Variants in XPOT observed in about 807,000 individuals in gnomAD.
XPOT encodes the protein exportin-T.
XPOT carries 34 observed loss-of-function variants against 128.2 expected under a neutral mutation model. The ratio of observed to expected loss-of-function variants is 0.27; its 90% confidence interval spans 0.20 to 0.35. The LOEUF is 0.35. XPOT is among the 10% of genes least tolerant of loss of function. XPOT has a pLI of 1.00. For synonymous variants in XPOT, 348 were observed against 394.3 expected, an observed-to-expected ratio of 0.88 and a Z score of 1.39; for missense variants, 838 against 1,125.3, an observed-to-expected ratio of 0.74 and a Z score of 3.65.
intron 1 of XPOT, among the ~76,000 whole-genome samples, chr12:64,407,570 A>G (rs1457835466): frequency 6.6e-6 from 1 of 152,152 alleles, no homozygotes; most frequent in Non-Finnish European, 1.5e-5. Context: ...ATGTAATCCA[A>G]TTTGGGAGAG....
chr12:64,428,157 T>A, intron 16 of XPOT, 37 bp downstream of exon 16: 1 of 1,414,272 alleles, frequency 7.1e-7, no homozygotes, highest in Non-Finnish European at 9.9e-7. Flanking sequence ...TTACCCAGAA[T>A]TCATTGAAGC....
At chr12:64,413,202 T>C (rs1264388747) in intron 2 of XPOT, among the ~76,000 whole-genome samples, 1 of 152,196 alleles carries the variant, frequency 6.6e-6, no homozygotes. Flanking sequence ...CCGAAGTCTC[T>C]AGTGATCCTT....
chr12:64,420,479 G>T lies in XPOT; in HGVS notation c.801G>T (p.Leu267Phe). The T allele has an allele frequency of 6.2e-7, 1 of 1,613,716 alleles. No individual in the cohort carries two copies. The highest frequency in any genetic ancestry group is 8.5e-7 in the Non-Finnish European group (1 of 1,179,844). The change falls in exon 8 of 25, where the codon TTG becomes TTT. Residue 267 changes from leucine to phenylalanine, a missense_variant. By Grantham distance (22) the Leu-to-Phe change is conservative. This residue lies in a region of XPOT where 761 missense variants were observed against 988.3 expected (regional missense o/e 0.77). Transcript: ENST00000332707. ...PVDKMKLVESLCQVLQSAGFF... is the reference protein window; with the variant it reads ...PVDKMKLVESFCQVLQSAGFF... The stretch of plus-strand genomic sequence containing the variant: ...ATAAAATGAAACTAGTGGAATCTTT[G>T]TGTCAAGTATTACAGTCTGCTGGGT...
chr12:64,418,949 C>T lies in XPOT; in HGVS notation c.344C>T (p.Thr115Ile), dbSNP rs777754179. 3.1e-6 allele frequency: 5 copies of T among 1,613,958 alleles called. No homozygotes were observed. Among genetic ancestry groups the T allele is most frequent in the Non-Finnish European group, 4.2e-6 (5 of 1,179,998 alleles). ...AAQVFALLFV[T>I]EYLTKWPKFF... ...CAAGTCTTCGCCTTGCTTTTTGTTA[C>T]AGAGTATCTCACTAAGTGGCCCAAG... is the stretch of plus-strand genomic sequence containing the variant. The change falls in exon 6 of 25, where the codon ACA becomes ATA. Residue 115 changes from threonine (T) to isoleucine (I), a missense_variant. Physicochemically the swap from Thr to Ile is moderately conservative, Grantham distance 89 (BLOSUM62 -1). Around this residue, in one of 3 missense-constraint regions of XPOT, gnomAD observed 761 missense variants for 988.3 expected, o/e 0.77. Transcript: ENST00000332707.
intron 1 of XPOT, among the ~76,000 whole-genome samples, chr12:64,408,198 C>T (rs2040001018): frequency 6.6e-6 from 1 of 152,122 alleles, no homozygotes; most frequent in Non-Finnish European, 1.5e-5. Context: ...CAACCTCCAC[C>T]TCCTGGGTTC....
chr12:64,418,206 A>G (rs2040105496), intron 5 of XPOT, 91 bp downstream of exon 5: 8 of 1,041,612 alleles, frequency 7.7e-6, no homozygotes, highest in South Asian at 7.3e-5. Context: ...AAAGATTTTC[A>G]TCAGTGTTCC....
intron 1 of XPOT, among the ~76,000 whole-genome samples, chr12:64,405,727 T>TGCAGCC (rs1300890069): frequency 6.6e-5 from 10 of 152,166 alleles, no homozygotes. Flanking sequence ...CAAGTGATTC[T>TGCAGCC]GCAGCCTCAG....
At chr12:64,444,169 T>G (rs1335200593) in intron 23 of XPOT, among the ~76,000 whole-genome samples, 1 of 152,236 alleles carries the variant, frequency 6.6e-6, no homozygotes, top group African/African-American at 2.4e-5. Flanking sequence ...TCTTTTCTTT[T>G]GGTCTAGCTC....
At chr12:64,447,548 G>A (rs2040375892) in intron 24 of XPOT, among the ~76,000 whole-genome samples, 2 of 151,558 alleles carry the variant, frequency 1.3e-5, no homozygotes, top group Admixed American at 6.6e-5. Flanking sequence ...GCACGATCTC[G>A]GCTCACCACA....
chr12:64,405,816 C>G (rs1325495609), intron 1 of XPOT, among the ~76,000 whole-genome samples: 3 of 152,182 alleles, frequency 2.0e-5, no homozygotes, highest in Non-Finnish European at 4.4e-5. Flanking sequence ...TGGAGTTTCA[C>G]CGTGTTAGCC....
chr12:64,415,435 C>T (rs540798333), intron 3 of XPOT, among the ~76,000 whole-genome samples: 20 of 151,978 alleles, frequency 1.3e-4, no homozygotes, highest in African/African-American at 2.7e-4. Flanking sequence ...AGTGCAGTGG[C>T]GCAATCTAGG....
Position 64,448,092 on chromosome 12 carries a change from A to G in XPOT, c.2863-13A>G, listed in dbSNP as rs180830906. On this transcript the variant is annotated splice_polypyrimidine_tract_variant and intron_variant, in intron 24 of 24. Transcript: ENST00000332707. The stretch of plus-strand genomic sequence containing the variant: ...TGACATTAGTATTGATTGCATTAAT[A>G]CTTTATTTACAGGTGTTCTTCCAGA... 2 of 1,613,166 alleles carry G rather than the reference A, an allele frequency of 1.2e-6. No individual in the cohort carries two copies. The highest frequency in any genetic ancestry group is 2.7e-5 in the African/African-American group (2 of 75,034).
Position 64,404,642 on chromosome 12 carries a change from C to G in XPOT, c.-237C>G, listed in dbSNP as rs1187998935. 6.6e-6 allele frequency: 1 copy of G among 152,516 alleles called. No individual in the cohort carries two copies. The highest frequency in any genetic ancestry group is 1.5e-5 in the Non-Finnish European group (1 of 68,152). The allele number at this position is 152,516 out of a possible 1,614,324, so 9.4% of individuals were successfully genotyped here. On this transcript the variant is annotated 5_prime_UTR_variant, in exon 1 of 25. Transcript: ENST00000332707. ...CGCAGAGCGACTAGAGGCGCGCGGT[C>G]CCGGCCAGCACCGTCTCTGGCGTTG...
intron 5 of XPOT, 142 bp downstream of exon 5, chr12:64,418,257 AAAGAT>A (rs1661937620): frequency 1.5e-6 from 1 of 646,024 alleles, no homozygotes; most frequent in Non-Finnish European, 2.6e-6. Context: ...TGCTGGTTTT[AAAGAT>A]CATGGAAGTG....
intron 4 of XPOT, 108 bp from the exon 5 acceptor site, chr12:64,417,938 A>T: frequency 1.4e-6 from 1 of 735,044 alleles, no homozygotes; most frequent in Non-Finnish European, 2.2e-6. Flanking sequence ...AACTTCAGAT[A>T]ATTGAGAGCT....
chr12:64,405,116 G>C (rs775046292), intron 1 of XPOT: 1 of 152,282 alleles, frequency 6.6e-6, no homozygotes. Flanking sequence ...TAGCAGAGGA[G>C]GGTCGGCATC....
At chr12:64,446,510 T>C (rs909977472) in intron 24 of XPOT, among the ~76,000 whole-genome samples, 1 of 152,206 alleles carries the variant, frequency 6.6e-6, no homozygotes, top group Non-Finnish European at 1.5e-5. Context: ...TGATCTCTCT[T>C]CTCTTGTTCT....
chr12:64,448,159 T>C lies in XPOT; in HGVS notation c.*28T>C, dbSNP rs778678345. On this transcript the variant is annotated 3_prime_UTR_variant, in exon 25 of 25. Coordinates refer to ENST00000332707, the MANE Select transcript of XPOT (RefSeq NM_007235.6). Reference sequence around the variant, plus strand: ...ACTGGATTTCCCTGTGCCTACTTCATGATCATGAATTCCAGTTAATTTATA... The same window carrying C: ...ACTGGATTTCCCTGTGCCTACTTCACGATCATGAATTCCAGTTAATTTATA... 3 of 1,612,074 alleles carry C rather than the reference T, an allele frequency of 1.9e-6. No homozygotes were observed. The African/African-American group carries it at 4.0e-5, about 21-fold the overall frequency.
intron 2 of XPOT, 133 bp downstream of exon 2, chr12:64,410,228 G>GA: frequency 1.4e-6 from 1 of 716,112 alleles, no homozygotes; most frequent in Non-Finnish European, 2.3e-6. Flanking sequence ...TGAGGTATTT[G>GA]AATATATTTT....
Sources: allele counts gnomAD v4.1 joint callset (sites outside exome capture counted in the v4.1 genomes callset), GRCh38; gene constraint gnomAD v4.1.1; regional missense constraint gnomAD v4.1.1; transcripts MANE v1.5; gene names NCBI Gene and HGNC (gene_info 2026-07-23, HGNC 2026-07-21).